THSD7B: variants seen among roughly 807,000 people sequenced by gnomAD.
THSD7B encodes the protein thrombospondin type 1 domain containing 7B, also known as thrombospondin type-1 domain-containing protein 7B.
Under a neutral mutation model 213.6 loss-of-function variants are expected in THSD7B, and 138 were observed. That is an observed-to-expected ratio of 0.65 (90% confidence interval 0.56 to 0.74). The LOEUF (loss-of-function observed/expected upper bound fraction) is 0.74, where lower values mean the gene tolerates loss of function less well. Ranked by LOEUF, THSD7B falls within the 30% of genes least tolerant of loss-of-function variation. The pLI is 0.00. For missense variants in THSD7B, 1,931 were observed against 1,991.5 expected (o/e 0.97, Z 0.58); for synonymous variants, 742 against 687.0 (o/e 1.08, Z -1.25).
At chr2:137,400,130 C>T (rs1340979183) in intron 12 of THSD7B, among the ~76,000 whole-genome samples, 1 of 151,858 alleles carries the variant, frequency 6.6e-6, no homozygotes, top group Non-Finnish European at 1.5e-5. Context: ...TAGTTTTTGT[C>T]ATTCATATCC....
At chr2:137,407,344 T>C (rs1173356194) in intron 13 of THSD7B, among the ~76,000 whole-genome samples, 1 of 152,156 alleles carries the variant, frequency 6.6e-6, no homozygotes. Context: ...AATTATTAAC[T>C]GCTGTACTTT....
intron 13 of THSD7B, among the ~76,000 whole-genome samples, chr2:137,407,578 G>A (rs994900970): frequency 6.6e-6 from 1 of 152,022 alleles, no homozygotes; most frequent in African/African-American, 2.4e-5. Flanking sequence ...TTATCTCTAA[G>A]TAATTTGGTA....
intron 15 of THSD7B, among the ~76,000 whole-genome samples, chr2:137,556,297 G>T (rs543793668): frequency 6.6e-6 from 1 of 152,132 alleles, no homozygotes; most frequent in Non-Finnish European, 1.5e-5. Flanking sequence ...AGAGAGAAAG[G>T]TCGGGTTACC....
chr2:137,425,898 C>A (rs1018851196), intron 14 of THSD7B, among the ~76,000 whole-genome samples: 2 of 152,108 alleles, frequency 1.3e-5, no homozygotes, highest in African/African-American at 4.8e-5. Flanking sequence ...GAAAGACTGA[C>A]CCTGTTTGCA....
At chr2:137,551,274 G>T (rs1443523680) in intron 15 of THSD7B, among the ~76,000 whole-genome samples, 1 of 152,072 alleles carries the variant, frequency 6.6e-6, no homozygotes, top group Non-Finnish European at 1.5e-5. Context: ...CTTCATTTTT[G>T]ATATGAAGAC....
intron 10 of THSD7B, among the ~76,000 whole-genome samples, chr2:137,245,545 C>T (rs569501050): frequency 5.3e-5 from 8 of 152,148 alleles, no homozygotes; most frequent in Non-Finnish European, 1.0e-4. Flanking sequence ...GTAGACTCCC[C>T]CATCCTCCTC....
intron 7 of THSD7B, among the ~76,000 whole-genome samples, chr2:137,222,873 A>AGAAAG (rs1681402120): frequency 6.6e-6 from 1 of 152,224 alleles, no homozygotes; most frequent in Non-Finnish European, 1.5e-5. Context: ...TTCCTGGGTC[A>AGAAAG]GAAAGGAGGA....
At chr2:137,091,581 G>C (rs1033860125) in intron 3 of THSD7B, among the ~76,000 whole-genome samples, 2 of 151,734 alleles carry the variant, frequency 1.3e-5, no homozygotes, top group Non-Finnish European at 2.9e-5. Flanking sequence ...AGATCAAGGT[G>C]GGGGCAGCAT....
intron 6 of THSD7B, among the ~76,000 whole-genome samples, chr2:137,169,536 G>A (rs1294508736): frequency 3.3e-5 from 5 of 151,980 alleles, no homozygotes; most frequent in Non-Finnish European, 5.9e-5. Context: ...TTCACTCTGG[G>A]AATTGAATGT....
At chr2:136,849,688 C>T (rs905075480) in intron 1 of THSD7B, among the ~76,000 whole-genome samples, 8 of 152,050 alleles carry the variant, frequency 5.3e-5, no homozygotes, top group African/African-American at 1.9e-4. Context: ...AATATGTCCA[C>T]CCCTGGGAGG....
At chr2:137,619,871 A>C (rs1461108009) in intron 19 of THSD7B, among the ~76,000 whole-genome samples, 5 of 152,222 alleles carry the variant, frequency 3.3e-5, no homozygotes, top group Non-Finnish European at 4.4e-5. Context: ...TATAATCATT[A>C]ATATTAGCTT....
At chr2:137,579,871 C>G (rs370866002) in intron 17 of THSD7B, among the ~76,000 whole-genome samples, 1 of 152,210 alleles carries the variant, frequency 6.6e-6, no homozygotes, top group Non-Finnish European at 1.5e-5. Context: ...TGTCTTCACT[C>G]TCATTTTAAT....
At chr2:137,618,752 A>T (rs967681537) in intron 19 of THSD7B, among the ~76,000 whole-genome samples, 2 of 152,178 alleles carry the variant, frequency 1.3e-5, no homozygotes, top group African/African-American at 4.8e-5. Flanking sequence ...TGTTTTTATT[A>T]CTTATAAAAA....
chr2:136,981,611 A>G (rs988775798), intron 2 of THSD7B, among the ~76,000 whole-genome samples: 1 of 152,224 alleles, frequency 6.6e-6, no homozygotes, highest in African/African-American at 2.4e-5. Context: ...TGGGTTCTAC[A>G]TGATTATCAT....
chr2:137,139,504 G>A (rs1371180550), intron 5 of THSD7B, among the ~76,000 whole-genome samples: 2 of 152,168 alleles, frequency 1.3e-5, no homozygotes, highest in African/African-American at 4.8e-5. Flanking sequence ...ATGCTGCAAT[G>A]TGGCCCAGGA....
intron 2 of THSD7B, among the ~76,000 whole-genome samples, chr2:136,935,714 ACTG>A (rs912205541): frequency 6.6e-6 from 1 of 152,088 alleles, no homozygotes; most frequent in Non-Finnish European, 1.5e-5. Flanking sequence ...AGCCATGAGG[ACTG>A]CTGACGAAGT....
At chr2:137,367,780 T>G (rs1193704918) in intron 12 of THSD7B, among the ~76,000 whole-genome samples, 1 of 152,156 alleles carries the variant, frequency 6.6e-6, no homozygotes, top group Middle Eastern at 3.2e-3. Flanking sequence ...ATGTGGCCTT[T>G]CCTCAGTGTG....
chr2:136,811,246 CTT>C (rs1682369904), intron 1 of THSD7B, among the ~76,000 whole-genome samples: 1 of 152,104 alleles, frequency 6.6e-6, no homozygotes, highest in African/African-American at 2.4e-5. Flanking sequence ...GTAGTCAAGA[CTT>C]TGAATTTTAT....
chr2:137,424,441 A>G (rs1224311288), intron 14 of THSD7B, among the ~76,000 whole-genome samples: 1 of 152,190 alleles, frequency 6.6e-6, no homozygotes, highest in Non-Finnish European at 1.5e-5. Context: ...AGAAAATTAT[A>G]GGCCAATAGC....
Sources: gnomAD v4.1 joint callset for allele counts (sites outside exome capture counted in the v4.1 genomes callset) on GRCh38, gnomAD v4.1.1 for gene constraint, MANE v1.5 for transcripts, NCBI Gene and HGNC (gene_info 2026-07-23, HGNC 2026-07-21) for gene names.